Variants in PRMT9 observed in about 807,000 individuals in gnomAD.
PRMT9 encodes the protein protein arginine N-methyltransferase 9.
A neutral mutation model predicts 83.2 loss-of-function variants in PRMT9; 59 were observed. The observed-to-expected ratio is 0.71, with a 90% CI of 0.57 to 0.88. The LOEUF is 0.88. PRMT9 is among the 40% of genes least tolerant of loss of function. The probability of loss-of-function intolerance (pLI) is 0.00; values close to 1 mark genes in which losing one functional copy is unlikely to be tolerated. For missense variants in PRMT9, 947 were observed against 1,021.9 expected, an observed-to-expected ratio of 0.93 and a Z score of 1.00; for synonymous variants, 333 against 353.2, an observed-to-expected ratio of 0.94 and a Z score of 0.64.
At chr4:147,683,177 T>A (rs1156688163) in intron 1 of PRMT9, among the ~76,000 whole-genome samples, 1 of 152,192 alleles carries the variant, frequency 6.6e-6, no homozygotes, top group African/African-American at 2.4e-5. Flanking sequence ...CCCACTATAT[T>A]CCTACTACAC....
chr4:147,648,644 A>G (rs1383071008), intron 9 of PRMT9, among the ~76,000 whole-genome samples: 1 of 152,240 alleles, frequency 6.6e-6, no homozygotes, highest in Non-Finnish European at 1.5e-5. Flanking sequence ...TGTAAGAAGT[A>G]CAAGTGACAT....
At chr4:147,660,816 G>A in intron 7 of PRMT9, 30 bp downstream of exon 7, 1 of 1,440,024 alleles carries the variant, frequency 6.9e-7, no homozygotes, top group Non-Finnish European at 9.8e-7. Flanking sequence ...GAAATTTAAT[G>A]CTTGAAAATA....
intron 9 of PRMT9, among the ~76,000 whole-genome samples, chr4:147,652,227 C>T (rs977456717): frequency 9.2e-5 from 14 of 152,036 alleles, no homozygotes; most frequent in South Asian, 4.1e-4. Context: ...ACTGAACTTA[C>T]CAAATTTGAA....
intron 2 of PRMT9, among the ~76,000 whole-genome samples, chr4:147,677,558 A>T (rs142745407): frequency 7.6e-4 from 111 of 146,960 alleles, no homozygotes; most frequent in Non-Finnish European, 1.3e-3. Flanking sequence ...GGTTCAAGCA[A>T]TTTTCCTACC....
intron 9 of PRMT9, among the ~76,000 whole-genome samples, chr4:147,653,608 T>C (rs1734270638): frequency 6.6e-6 from 1 of 151,988 alleles, no homozygotes; most frequent in African/African-American, 2.4e-5. Flanking sequence ...AGTAAGAACA[T>C]GCTTAAAGAA....
At chr4:147,681,649 C>T (rs895328067) in intron 1 of PRMT9, among the ~76,000 whole-genome samples, 1 of 151,962 alleles carries the variant, frequency 6.6e-6, no homozygotes, top group Non-Finnish European at 1.5e-5. Context: ...TAGCCAAGCA[C>T]GGTGGCGAAC....
chr4:147,658,958 T>C (rs958724957), intron 7 of PRMT9, among the ~76,000 whole-genome samples: 1 of 151,892 alleles, frequency 6.6e-6, no homozygotes, highest in Non-Finnish European at 1.5e-5. Context: ...GGCGGACGGA[T>C]CACGAGGCCA....
intron 1 of PRMT9, 79 bp downstream of exon 1, chr4:147,683,720 C>CGTT: frequency 2.5e-5 from 26 of 1,049,862 alleles, no homozygotes; most frequent in East Asian, 1.5e-4. Flanking sequence ...AGCCCCTCCG[C>CGTT]TTTTTTTTTT....
intron 9 of PRMT9, among the ~76,000 whole-genome samples, chr4:147,653,299 T>C (rs545640151): frequency 6.6e-6 from 1 of 151,788 alleles, no homozygotes; most frequent in South Asian, 2.1e-4. Flanking sequence ...AAATACAAAA[T>C]TAGCTGGTGG....
intron 7 of PRMT9, among the ~76,000 whole-genome samples, chr4:147,659,663 C>T (rs1457228863): frequency 2.0e-5 from 3 of 147,700 alleles, no homozygotes; most frequent in Non-Finnish European, 4.5e-5. Context: ...ATGCAAACTC[C>T]GCCTCCTGGG....
intron 7 of PRMT9, 62 bp downstream of exon 7, chr4:147,660,784 T>C (rs1734895121): frequency 3.8e-6 from 4 of 1,039,440 alleles, no homozygotes; most frequent in South Asian, 1.3e-5. Context: ...GTCTGTCCTA[T>C]ATATTATTTT....
At chr4:147,638,889 A>C in intron 11 of PRMT9, 71 bp downstream of exon 11, 1 of 1,454,866 alleles carries the variant, frequency 6.9e-7, no homozygotes, top group Non-Finnish European at 9.6e-7. Context: ...AGTATGTATA[A>C]AAGTATTACC....
rs73853974 is a variant in PRMT9 at position 147,672,754 on chromosome 4, A to T, written c.743+205T>A. ...CAAGTTTATTTGATCCCTTGCCACAAATTTTTCTCAAGATCTTTAAATATT... is the reference window on the plus strand; with the variant it reads ...CAAGTTTATTTGATCCCTTGCCACATATTTTTCTCAAGATCTTTAAATATT... On this transcript the variant is annotated intron_variant, in intron 4 of 11. Coordinates refer to ENST00000322396, the MANE Select transcript of PRMT9 (RefSeq NM_138364.4). 1.3e-3 allele frequency among the ~76,000 whole-genome samples: 201 copies of T among 152,204 alleles called. 2 individuals carry two copies. Among genetic ancestry groups the T allele is most frequent in the African/African-American group, 4.7e-3 (197 of 41,562 alleles).
At chr4:147,677,637 A>G (rs1736179712) in intron 2 of PRMT9, among the ~76,000 whole-genome samples, 1 of 151,658 alleles carries the variant, frequency 6.6e-6, no homozygotes, top group South Asian at 2.1e-4. Flanking sequence ...CATTTTTTTT[A>G]GTAGAAACAG....
chr4:147,667,906 T>C (rs1389287973), intron 6 of PRMT9, among the ~76,000 whole-genome samples: 25 of 151,814 alleles, frequency 1.6e-4, no homozygotes. Context: ...CATGAATATA[T>C]CACAACTAGA....
chr4:147,683,830 C>G lies in PRMT9; in HGVS notation c.158G>C (p.Ser53Thr). 1 of 1,611,368 alleles carries G rather than the reference C, an allele frequency of 6.2e-7. No homozygotes were observed. The highest frequency in any genetic ancestry group is 8.5e-7 in the Non-Finnish European group (1 of 1,179,074). ...GTCGTGTTTCAGCTCCGGCGCCAGGCTGAGCACGAGGAGGTAGTGGGCATA... is the reference window on the plus strand; with the variant it reads ...GTCGTGTTTCAGCTCCGGCGCCAGGGTGAGCACGAGGAGGTAGTGGGCATA... Reference protein sequence around the residue: ...TAYAHYLLVLSLAPELKHDVK... With the variant: ...TAYAHYLLVLTLAPELKHDVK... The change falls in exon 1 of 12, where the codon AGC becomes ACC. Residue 53 changes from serine (S) to threonine (T), a missense_variant. By Grantham distance (58) the Ser-to-Thr change is moderately conservative. Transcript: ENST00000322396.
chr4:147,673,573 C>A, intron 3 of PRMT9, 65 bp downstream of exon 3: 2 of 1,039,044 alleles, frequency 1.9e-6, no homozygotes, highest in East Asian at 2.4e-5. Context: ...TTTTCCATAT[C>A]TGGCAAAATC....
intron 6 of PRMT9, among the ~76,000 whole-genome samples, 200 bp downstream of exon 6, chr4:147,668,339 G>GTCTCTC (rs138103738): frequency 6.6e-6 from 1 of 150,560 alleles, no homozygotes; most frequent in Non-Finnish European, 1.5e-5. Flanking sequence ...GTCTCGTGCT[G>GTCTCTC]TCTCTCTCTC....
At chr4:147,643,224 G>C (rs891543468) in intron 9 of PRMT9, among the ~76,000 whole-genome samples, 1 of 151,982 alleles carries the variant, frequency 6.6e-6, no homozygotes, top group Admixed American at 6.6e-5. Flanking sequence ...CCAACATCCC[G>C]CCACTGCACT....
Sources: allele counts gnomAD v4.1 joint callset (sites outside exome capture counted in the v4.1 genomes callset), GRCh38; gene constraint gnomAD v4.1.1; transcripts MANE v1.5; gene names NCBI Gene and HGNC (gene_info 2026-07-23, HGNC 2026-07-21).